Variants in CHSY3 observed in about 807,000 individuals in gnomAD.
CHSY3 encodes N-acetylgalactosaminyl-proteoglycan 3-beta-glucuronosyltransferase 3.
CHSY3 carries 35 observed loss-of-function variants against 67.2 expected under a neutral mutation model. That is an observed-to-expected ratio of 0.52 (90% CI 0.40 to 0.69). The LOEUF is 0.69. CHSY3 is among the 30% of genes least tolerant of loss of function. The pLI is 0.00. For synonymous variants in CHSY3, 474 were observed against 434.7 expected, an observed-to-expected ratio of 1.09 and a Z score of -1.12; for missense variants, 1,069 against 1,138.5, an observed-to-expected ratio of 0.94 and a Z score of 0.88.
chr5:130,028,975 T>A (rs1418066851), intron 2 of CHSY3, among the ~76,000 whole-genome samples: 2 of 152,032 alleles, frequency 1.3e-5, no homozygotes, highest in African/African-American at 2.4e-5. Flanking sequence ...TCCTCCTCTC[T>A]GTCTGTCCTT....
At chr5:129,915,275 C>G (rs3913120) in intron 2 of CHSY3, among the ~76,000 whole-genome samples, 1 of 152,086 alleles carries the variant, frequency 6.6e-6, no homozygotes, top group Non-Finnish European at 1.5e-5. Flanking sequence ...ACAAAAAAGC[C>G]TAAGTAAACT....
chr5:130,173,209 C>T (rs1290731233), intron 2 of CHSY3, among the ~76,000 whole-genome samples: 4 of 152,128 alleles, frequency 2.6e-5, no homozygotes, highest in South Asian at 4.2e-4. Flanking sequence ...GCTACTAATA[C>T]ATTTGGGGAG....
chr5:130,133,684 A>C (rs2149715011), intron 2 of CHSY3, among the ~76,000 whole-genome samples: 1 of 149,034 alleles, frequency 6.7e-6, no homozygotes, highest in Admixed American at 6.7e-5. Flanking sequence ...AGGCACGAGA[A>C]TTGCTTGAAC....
At chr5:130,066,324 A>G (rs1489376224) in intron 2 of CHSY3, among the ~76,000 whole-genome samples, 1 of 152,088 alleles carries the variant, frequency 6.6e-6, no homozygotes, top group Non-Finnish European at 1.5e-5. Flanking sequence ...ATACCGCATG[A>G]TGAATCCAGA....
intron 2 of CHSY3, among the ~76,000 whole-genome samples, chr5:130,103,563 G>T (rs1286861916): frequency 6.6e-6 from 1 of 151,872 alleles, no homozygotes; most frequent in Non-Finnish European, 1.5e-5. Flanking sequence ...GGGTAGCATT[G>T]TGTTATCCAG....
At chr5:129,970,364 A>G (rs1762602858) in intron 2 of CHSY3, among the ~76,000 whole-genome samples, 1 of 151,426 alleles carries the variant, frequency 6.6e-6, no homozygotes, top group Non-Finnish European at 1.5e-5. Flanking sequence ...GGATGGATGG[A>G]TGCATGGGTA....
intron 2 of CHSY3, among the ~76,000 whole-genome samples, chr5:129,935,818 C>G (rs545706113): frequency 6.6e-6 from 1 of 152,280 alleles, no homozygotes; most frequent in South Asian, 2.1e-4. Context: ...AAATCACCAG[C>G]TGTTGTTTAG....
intron 2 of CHSY3, among the ~76,000 whole-genome samples, chr5:130,047,080 G>A (rs2149668862): frequency 6.6e-6 from 1 of 151,054 alleles, no homozygotes; most frequent in South Asian, 2.1e-4. Context: ...TGTTTCAGTG[G>A]GTACATTTAT....
chr5:130,177,784 C>T (rs560557492), intron 2 of CHSY3, among the ~76,000 whole-genome samples: 2 of 152,014 alleles, frequency 1.3e-5, no homozygotes, highest in South Asian at 4.1e-4. Flanking sequence ...GAAACTCAAG[C>T]CCTTCATCTG....
chr5:130,182,274 A>G (rs1425826174), intron 2 of CHSY3, among the ~76,000 whole-genome samples: 1 of 152,058 alleles, frequency 6.6e-6, no homozygotes, highest in Non-Finnish European at 1.5e-5. Flanking sequence ...TTATATGTCT[A>G]TTGAGTATTT....
intron 2 of CHSY3, among the ~76,000 whole-genome samples, chr5:130,048,719 T>C (rs1765230744): frequency 6.6e-6 from 1 of 152,106 alleles, no homozygotes; most frequent in African/African-American, 2.4e-5. Flanking sequence ...TTGTTATGTA[T>C]CTTTTCTACA....
chr5:130,138,534 G>T (rs1297790285), intron 2 of CHSY3, among the ~76,000 whole-genome samples: 1 of 152,186 alleles, frequency 6.6e-6, no homozygotes, highest in Non-Finnish European at 1.5e-5. Context: ...AGGCAAGAAG[G>T]TTAGACAGAA....
chr5:130,068,492 A>G (rs1171314617), intron 2 of CHSY3, among the ~76,000 whole-genome samples: 3 of 152,156 alleles, frequency 2.0e-5, no homozygotes, highest in Non-Finnish European at 4.4e-5. Context: ...AACAAAAACT[A>G]TACAACAAAA....
chr5:130,064,417 T>C (rs1439329145), intron 2 of CHSY3, among the ~76,000 whole-genome samples: 3 of 152,152 alleles, frequency 2.0e-5, no homozygotes, highest in Non-Finnish European at 4.4e-5. Flanking sequence ...GATAGTTCTA[T>C]GTATTGCTTT....
intron 2 of CHSY3, among the ~76,000 whole-genome samples, chr5:130,182,964 A>T (rs762734796): frequency 4.1e-5 from 6 of 147,576 alleles, no homozygotes; most frequent in African/African-American, 1.5e-4. Context: ...TTTTTTGAAG[A>T]GGCTGTTTTT....
chr5:130,172,103 A>G (rs951050325), intron 2 of CHSY3, among the ~76,000 whole-genome samples: 4 of 152,044 alleles, frequency 2.6e-5, no homozygotes, highest in Admixed American at 6.6e-5. Context: ...TGTGCAAAAT[A>G]TCAGCCTGTG....
At chr5:130,140,661 GA>G in intron 2 of CHSY3, 1 of 353,278 alleles carries the variant, frequency 2.8e-6, no homozygotes, top group East Asian at 5.4e-5. Context: ...GTTTAGAATG[GA>G]ATCTCTGACG....
At chr5:130,015,967 T>G (rs947308990) in intron 2 of CHSY3, among the ~76,000 whole-genome samples, 3 of 152,158 alleles carry the variant, frequency 2.0e-5, no homozygotes. Flanking sequence ...TTATCTTAAG[T>G]GAATTAATGC....
chr5:130,142,050 G>A (rs919166619), intron 2 of CHSY3: 6 of 171,360 alleles, frequency 3.5e-5, no homozygotes, highest in Non-Finnish European at 7.4e-5. Flanking sequence ...TTGAGCTGCA[G>A]TAGTTAACTA....
Sources: gnomAD v4.1 joint callset for allele counts (sites outside exome capture counted in the v4.1 genomes callset) on GRCh38, gnomAD v4.1.1 for gene constraint, MANE v1.5 for transcripts, NCBI Gene and HGNC (gene_info 2026-07-23, HGNC 2026-07-21) for gene names.